Variants in SCN1A observed in about 807,000 individuals in gnomAD.
The protein encoded by SCN1A is sodium voltage-gated channel alpha subunit 1, also known as sodium channel protein type 1 subunit alpha.
Under a neutral mutation model 193.7 loss-of-function variants are expected in SCN1A, and 13 were observed. The ratio of observed to expected loss-of-function variants is 0.07; its 90% CI spans 0.04 to 0.11. SCN1A has a LOEUF of 0.11. Ranked by LOEUF, SCN1A falls within the 10% of genes least tolerant of loss-of-function variation. SCN1A has a pLI of 1.00. For missense variants in SCN1A, 1,432 were observed against 2,451.1 expected, an observed-to-expected ratio of 0.58 and a Z score of 8.78; for synonymous variants, 781 against 843.6, an observed-to-expected ratio of 0.93 and a Z score of 1.29.
chr2:166,056,965 G>A (rs16851382), intron 5 of SCN1A, among the ~76,000 whole-genome samples: 32,080 of 151,856 alleles, frequency 0.21, 3,688 homozygotes, highest in East Asian at 0.33. Context: ...ACAGTTCAAC[G>A]CATGAAAACA....
At chr2:166,063,019 AG>A (rs1683479033) in intron 4 of SCN1A, among the ~76,000 whole-genome samples, 1 of 152,080 alleles carries the variant, frequency 6.6e-6, no homozygotes, top group South Asian at 2.1e-4. Flanking sequence ...CAAGGCTCAT[AG>A]GAACATTGAC....
chr2:166,139,294 T>C (rs1183935273), intron 1 of SCN1A, among the ~76,000 whole-genome samples: 1 of 152,178 alleles, frequency 6.6e-6, no homozygotes, highest in Non-Finnish European at 1.5e-5. Flanking sequence ...GGTTTGGCTG[T>C]GTCCCCACTG....
chr2:166,039,832 G>A (rs1696921199), intron 16 of SCN1A, among the ~76,000 whole-genome samples: 1 of 151,350 alleles, frequency 6.6e-6, no homozygotes, highest in South Asian at 2.1e-4. Flanking sequence ...GGAAACTGAG[G>A]TCTTCAGATG....
rs913051664 is a variant in SCN1A at position 165,986,339 on chromosome 2, A to G, written c.*4906T>C. On this transcript the variant is annotated 3_prime_UTR_variant, in exon 29 of 29. Coordinates refer to ENST00000674923, the MANE Select transcript of SCN1A (RefSeq NM_001165963.4). ...CTGTGGAGCTGTGTTTGGAATTACT[A>G]TTTATACCCACAGTGTCTGGTCCCC... The G allele has an allele frequency of 2.6e-5, 4 of 152,090 alleles. No homozygotes were observed. The highest frequency in any genetic ancestry group is 3.9e-4 in the East Asian group (2 of 5,192). 9.4% of individuals were successfully genotyped at this position (152,090 alleles called of 1,614,324 possible).
Position 165,998,859 on chromosome 2 carries a change from C to G in SCN1A, c.4339-684G>C, listed in dbSNP as rs951170706. ...ATATAAGTGACAAAGTGAAATAAAA[C>G]AACTCTGGAGGTTATCAAAATGATA... On this transcript the variant is annotated intron_variant, in intron 25 of 28. Transcript: ENST00000674923. Among the ~76,000 whole-genome samples the G allele has an allele frequency of 7.9e-5, 12 of 151,490 alleles. No individual in the cohort carries two copies. The East Asian group carries it at 2.1e-3, about 27-fold the overall frequency.
intron 4 of SCN1A, among the ~76,000 whole-genome samples, chr2:166,065,157 T>C (rs1459450054): frequency 2.0e-5 from 3 of 152,166 alleles, no homozygotes; most frequent in African/African-American, 7.2e-5. Context: ...ACTCTGAAAA[T>C]GGCAGAGTTC....
intron 4 of SCN1A, among the ~76,000 whole-genome samples, chr2:166,066,911 TC>T (rs1683900277): frequency 6.6e-6 from 1 of 152,164 alleles, no homozygotes; most frequent in Non-Finnish European, 1.5e-5. Context: ...TACTGAAAGA[TC>T]CCCTTTATCT....
At chr2:166,119,853 C>T (rs1014850999) in intron 2 of SCN1A, among the ~76,000 whole-genome samples, 8 of 152,068 alleles carry the variant, frequency 5.3e-5, no homozygotes, top group African/African-American at 1.7e-4. Flanking sequence ...AGTATCTTTG[C>T]ATGAAATAGA....
chr2:166,067,730 A>G (rs1395076614), intron 4 of SCN1A, among the ~76,000 whole-genome samples: 3 of 135,426 alleles, frequency 2.2e-5, no homozygotes, highest in African/African-American at 8.3e-5. Flanking sequence ...TGCTTAGGAC[A>G]CCTTTTCTAA....
In SCN1A at chr2:165,999,907, C is replaced by T. The variant is rs188021159; in HGVS notation, c.4285-131G>A. The T allele has an allele frequency of 1.1e-4, 87 of 774,646 alleles. No homozygotes were observed. The East Asian group carries it at 2.2e-3, about 20-fold the overall frequency. 48.0% of individuals were successfully genotyped at this position (774,646 alleles called of 1,614,324 possible). On this transcript the variant is annotated intron_variant, in intron 24 of 28. Coordinates refer to ENST00000674923, the MANE Select transcript of SCN1A (RefSeq NM_001165963.4). ...AAGACATTTCAAAACAAATTTTACA[C>T]AGATTTTGGACCAAGACAGTATTTT...
intron 19 of SCN1A, among the ~76,000 whole-genome samples, chr2:166,021,789 T>A (rs775726176): frequency 6.6e-6 from 1 of 152,200 alleles, no homozygotes; most frequent in African/African-American, 2.4e-5. Flanking sequence ...ATGAAAGGCA[T>A]CTGTCCTACT....
At chr2:166,072,392 C>T (rs1482047650) in intron 4 of SCN1A, among the ~76,000 whole-genome samples, 1 of 152,126 alleles carries the variant, frequency 6.6e-6, no homozygotes, top group Non-Finnish European at 1.5e-5. Context: ...AGATTCATTT[C>T]AAGCATGGAT....
chr2:166,012,011 T>G, intron 22 of SCN1A, 98 bp downstream of exon 22: 1 of 1,084,388 alleles, frequency 9.2e-7, no homozygotes, highest in Non-Finnish European at 1.4e-6. Flanking sequence ...TTATAGTCTG[T>G]CAACATAACA....
chr2:166,080,282 C>T (rs1181162132), intron 2 of SCN1A, among the ~76,000 whole-genome samples: 1 of 151,538 alleles, frequency 6.6e-6, no homozygotes, highest in African/African-American at 2.4e-5. Flanking sequence ...TCATAAAAAC[C>T]AGCATTTAAA....
At position 166,141,408 on chromosome 2, in the gene SCN1A, G is replaced by C. The variant is rs982470835; in HGVS notation, c.-50+7639C>G. Among the ~76,000 whole-genome samples the C allele has an allele frequency of 5.3e-5, 8 of 151,794 alleles. 1 individual carries two copies. Among genetic ancestry groups the C allele is most frequent in the African/African-American group, 1.9e-4 (8 of 41,376 alleles). Reference sequence around the variant, plus strand: ...TTTTTTTATAAATAACATTGTACCAGACACCAGGCATGGTGTTTCACACTT... The same window carrying C: ...TTTTTTTATAAATAACATTGTACCACACACCAGGCATGGTGTTTCACACTT... On this transcript the variant is annotated intron_variant, in intron 1 of 26. Coordinates refer to the SCN1A transcript ENST00000635750.
Position 166,063,089 on chromosome 2 carries a change from C to A in SCN1A, c.265-4401G>T, listed in dbSNP as rs1476962270. ...GTGGTTTAGTACAATTCAGGCACATCTATGACTATTCTTAATATTTGTCCT... is the reference window on the plus strand; with the variant it reads ...GTGGTTTAGTACAATTCAGGCACATATATGACTATTCTTAATATTTGTCCT... On this transcript the variant is annotated intron_variant, in intron 4 of 28. Transcript: ENST00000674923. Among the ~76,000 whole-genome samples, 23 of 152,110 alleles carry A rather than the reference C, an allele frequency of 1.5e-4. 1 individual carries two copies. Among genetic ancestry groups the A allele is most frequent in the Admixed American group, 1.5e-3 (23 of 15,264 alleles).
In SCN1A at chr2:166,051,937, T is replaced by C. The variant is rs762927460; in HGVS notation, c.746A>G (p.Asp249Gly). 3.7e-6 allele frequency: 6 copies of C among 1,612,340 alleles called. No homozygotes were observed. The South Asian group carries it at 6.6e-5, about 18-fold the overall frequency. ...ACAGAACACAGTCAGGATCATTACA[T>C]CTGAGAGCTTCTTCACAGACTGGAT... ...ALIQSVKKLS[D>G]VMILTVFCLS... Residue 249 changes from aspartate to glycine, a missense_variant, in exon 9 of 29, where the codon GAT (aspartate) becomes GGT (glycine). Coordinates refer to ENST00000674923, the MANE Select transcript of SCN1A (RefSeq NM_001165963.4).
rs1698590735 is a variant in SCN1A at position 166,051,834 on chromosome 2, G to T, written c.849C>A (p.Thr283=). The T allele has an allele frequency of 1.9e-6, 3 of 1,612,500 alleles. No homozygotes were observed. Among genetic ancestry groups the T allele is most frequent in the African/African-American group, 1.3e-5 (1 of 74,902 alleles). The change falls in exon 9 of 29, where the codon ACC becomes ACA. Residue 283 remains threonine, a synonymous_variant. Coordinates refer to ENST00000674923, the MANE Select transcript of SCN1A (RefSeq NM_001165963.4). The part of the protein sequence containing the change: ...LRNKCIQWPP[T]NASLEEHSIE... ...TACTATGTTCCTCCAAGGAAGCATT[G>T]GTGGGAGGCCATTGTATACATTTAT...
At chr2:166,098,082 C>T (rs1047740132) in intron 2 of SCN1A, among the ~76,000 whole-genome samples, 4 of 152,128 alleles carry the variant, frequency 2.6e-5, no homozygotes, top group African/African-American at 9.7e-5. Context: ...AAACTTTAAG[C>T]TAACATCCCT....
Sources: allele counts gnomAD v4.1 joint callset (sites outside exome capture counted in the v4.1 genomes callset), GRCh38; gene constraint gnomAD v4.1.1; transcripts MANE v1.5; gene names NCBI Gene and HGNC (gene_info 2026-07-23, HGNC 2026-07-21).